Variants in MAML2 observed in about 807,000 individuals in gnomAD.
The protein encoded by MAML2 is mastermind like transcriptional coactivator 2, also known as mastermind-like protein 2.
A neutral mutation model predicts 96.1 loss-of-function variants in MAML2; 22 were observed. The ratio of observed to expected loss-of-function variants is 0.23; its 90% CI spans 0.16 to 0.33. The LOEUF (loss-of-function observed/expected upper bound fraction) is 0.33, where lower values mean the gene tolerates loss of function less well. Ranked by LOEUF, MAML2 falls within the 10% of genes least tolerant of loss-of-function variation. The pLI, the probability that MAML2 is intolerant of heterozygous loss-of-function variation, is 1.00. For synonymous variants in MAML2, 561 were observed against 521.3 expected (o/e 1.08, Z -1.04); for missense variants, 1,367 against 1,392.4 (o/e 0.98, Z 0.29).
intron 2 of MAML2, among the ~76,000 whole-genome samples, chr11:96,005,291 G>T (rs1858161137): frequency 2.0e-5 from 3 of 152,040 alleles, no homozygotes; most frequent in South Asian, 2.1e-4. Context: ...ACATTTAATT[G>T]ATTCTTCTAG....
chr11:96,041,979 T>C (rs1374630561), intron 2 of MAML2, among the ~76,000 whole-genome samples: 1 of 145,384 alleles, frequency 6.9e-6, no homozygotes, highest in Non-Finnish European at 1.5e-5. Flanking sequence ...CGGCTAATTT[T>C]TTTTTTTTTT....
At chr11:96,217,898 C>A (rs1862073554) in intron 1 of MAML2, among the ~76,000 whole-genome samples, 1 of 152,182 alleles carries the variant, frequency 6.6e-6, no homozygotes, top group African/African-American at 2.4e-5. Flanking sequence ...TGATTATGAA[C>A]TATCTAGGCT....
At chr11:96,138,869 A>T (rs118110353) in intron 1 of MAML2, among the ~76,000 whole-genome samples, 1,810 of 152,280 alleles carry the variant, frequency 0.012, 22 homozygotes, top group Non-Finnish European at 0.018. Flanking sequence ...TATATAGACC[A>T]GTTTTCTAAA....
intron 2 of MAML2, among the ~76,000 whole-genome samples, chr11:96,063,789 T>C (rs941072495): frequency 6.6e-6 from 1 of 152,206 alleles, no homozygotes; most frequent in African/African-American, 2.4e-5. Flanking sequence ...GTGTAAAAAC[T>C]TGTGACTATA....
At chr11:96,253,426 A>G (rs75565054) in intron 1 of MAML2, among the ~76,000 whole-genome samples, 2,423 of 152,308 alleles carry the variant, frequency 0.016, 70 homozygotes, top group African/African-American at 0.055. Flanking sequence ...ATCCATATGG[A>G]GGAGAAATCT....
At chr11:96,216,736 AG>A (rs1349696323) in intron 1 of MAML2, among the ~76,000 whole-genome samples, 1 of 152,202 alleles carries the variant, frequency 6.6e-6, no homozygotes, top group Non-Finnish European at 1.5e-5. Flanking sequence ...AGAAGAAAGC[AG>A]GGAAGCAACT....
At chr11:95,996,074 A>G (rs531992511) in intron 2 of MAML2, among the ~76,000 whole-genome samples, 55 of 151,900 alleles carry the variant, frequency 3.6e-4, no homozygotes, top group African/African-American at 1.3e-3. Flanking sequence ...GGAAAAATCA[A>G]TCAATCAATC....
intron 2 of MAML2, among the ~76,000 whole-genome samples, chr11:95,999,298 G>T (rs1858044515): frequency 6.6e-6 from 1 of 152,078 alleles, no homozygotes; most frequent in African/African-American, 2.4e-5. Flanking sequence ...CAATATGTGA[G>T]AGATCTTTAA....
chr11:96,197,001 G>T (rs1297903171), intron 1 of MAML2, among the ~76,000 whole-genome samples: 1 of 151,282 alleles, frequency 6.6e-6, no homozygotes, highest in Non-Finnish European at 1.5e-5. Flanking sequence ...GCATCAGGAA[G>T]CAAATGGCAG....
chr11:96,076,430 TCTCACACACACACACA>T (rs1396782679), intron 2 of MAML2, among the ~76,000 whole-genome samples: 55 of 136,364 alleles, frequency 4.0e-4, no homozygotes, highest in Non-Finnish European at 5.3e-4. Flanking sequence ...TCTCTCTCTC[TCTCACACACACACACA>T]CACACACACA....
chr11:96,133,963 CAGCCTG>C (rs1860584886), intron 1 of MAML2, among the ~76,000 whole-genome samples: 1 of 151,748 alleles, frequency 6.6e-6, no homozygotes, highest in East Asian at 1.9e-4. Context: ...CACTGCACTC[CAGCCTG>C]AGCAACGGAG....
At chr11:96,334,644 T>C (rs561679487) in intron 1 of MAML2, among the ~76,000 whole-genome samples, 1 of 152,364 alleles carries the variant, frequency 6.6e-6, no homozygotes, top group South Asian at 2.1e-4. Context: ...TATACTGAAG[T>C]GTCCATCAAT....
chr11:96,091,885 C>A lies in MAML2; in HGVS notation c.2139+7G>T. ...GAACTCTGTATTTGGAGTAGTAGAG[C>A]CCTTACCTGTCTCTGTTGTTGGGAG... is the stretch of plus-strand genomic sequence containing the variant. On this transcript the variant is annotated splice_region_variant and intron_variant, in intron 2 of 4. Coordinates refer to ENST00000524717, the MANE Select transcript of MAML2 (RefSeq NM_032427.4). 6.2e-7 allele frequency: 1 copy of A among 1,610,456 alleles called. No individual in the cohort carries two copies. The highest frequency in any genetic ancestry group is 1.7e-5 in the Admixed American group (1 of 59,878).
At chr11:96,212,633 C>T (rs1248698801) in intron 1 of MAML2, among the ~76,000 whole-genome samples, 1 of 152,144 alleles carries the variant, frequency 6.6e-6, no homozygotes, top group Non-Finnish European at 1.5e-5. Flanking sequence ...TGTCACCACC[C>T]TTTCACAATC....
At chr11:96,324,349 A>C (rs1863746898) in intron 1 of MAML2, among the ~76,000 whole-genome samples, 1 of 152,236 alleles carries the variant, frequency 6.6e-6, no homozygotes, top group South Asian at 2.1e-4. Context: ...AACGCTTAGA[A>C]GAGTGCCAAA....
chr11:96,244,679 G>A (rs948810089), intron 1 of MAML2, among the ~76,000 whole-genome samples: 2 of 152,130 alleles, frequency 1.3e-5, no homozygotes, highest in Admixed American at 6.5e-5. Context: ...TTACATTGAA[G>A]AAACAGAGGT....
chr11:96,287,759 T>C (rs1388753386), intron 1 of MAML2, among the ~76,000 whole-genome samples: 1 of 152,244 alleles, frequency 6.6e-6, no homozygotes, highest in African/African-American at 2.4e-5. Flanking sequence ...ATCAACATTA[T>C]CTTTCAATGT....
chr11:96,188,482 A>G (rs1861605611), intron 1 of MAML2, among the ~76,000 whole-genome samples: 1 of 152,232 alleles, frequency 6.6e-6, no homozygotes, highest in East Asian at 1.9e-4. Context: ...CAGTCAACAG[A>G]GAAAAATGGC....
At chr11:96,030,457 T>A (rs1481244359) in intron 2 of MAML2, among the ~76,000 whole-genome samples, 1 of 151,860 alleles carries the variant, frequency 6.6e-6, no homozygotes, top group African/African-American at 2.4e-5. Context: ...ATAAGGAAAA[T>A]TGTTATATAA....
Sources: allele counts gnomAD v4.1 joint callset (sites outside exome capture counted in the v4.1 genomes callset), GRCh38; gene constraint gnomAD v4.1.1; transcripts MANE v1.5; gene names NCBI Gene and HGNC (gene_info 2026-07-23, HGNC 2026-07-21).